Variants in LIPN observed in about 807,000 individuals in gnomAD.
LIPN encodes the protein lipase member N.
In LIPN, 32 loss-of-function variants were observed where a neutral mutation model predicts 43.7. The ratio of observed to expected loss-of-function variants is 0.73; its 90% CI spans 0.55 to 0.98. The LOEUF (loss-of-function observed/expected upper bound fraction) is 0.98, where lower values mean the gene tolerates loss of function less well. Ranked by LOEUF, LIPN falls within the 50% of genes least tolerant of loss-of-function variation. LIPN has a pLI of 0.00. For missense variants in LIPN, 505 were observed against 483.8 expected, an observed-to-expected ratio of 1.04 and a Z score of -0.41; for synonymous variants, 156 against 157.6, an observed-to-expected ratio of 0.99 and a Z score of 0.08.
chr10:88,773,754 C>A (rs1843248901), intron 7 of LIPN, among the ~76,000 whole-genome samples: 1 of 151,864 alleles, frequency 6.6e-6, no homozygotes. Context: ...TAGACTGAAA[C>A]CCATAAGGAA....
chr10:88,776,017 T>A (rs1029760418), intron 9 of LIPN, among the ~76,000 whole-genome samples: 1 of 152,054 alleles, frequency 6.6e-6, no homozygotes, highest in African/African-American at 2.4e-5. Context: ...TTTTTAAAAA[T>A]AAGTTTAAGA....
Position 88,766,362 on chromosome 10 carries a change from A to T in LIPN, c.519A>T (p.Ser173=). ...GQEKLYFIGH[S]LGTTIGFVAF... ...AGAAATTGTATTTCATTGGACATTC[A>T]CTTGGCACTACAATAGGTATGTTTA... The change falls in exon 5 of 10, where the codon TCA becomes TCT. Residue 173 remains serine (S), a synonymous_variant. Coordinates refer to ENST00000404459, the MANE Select transcript of LIPN (RefSeq NM_001102469.2). The T allele has an allele frequency of 6.3e-7, 1 of 1,594,926 alleles. No individual in the cohort carries two copies. The highest frequency in any genetic ancestry group is 1.1e-5 in the South Asian group (1 of 90,676).
chr10:88,761,729 AT>A (rs1843001147), intron 2 of LIPN, among the ~76,000 whole-genome samples: 1 of 73,768 alleles, frequency 1.4e-5, no homozygotes, highest in East Asian at 6.0e-4. Context: ...CTATCTATCT[AT>A]CTATCTATCT....
In LIPN at chr10:88,771,001, A is replaced by G. The variant is rs1169216209; in HGVS notation, c.819+10A>G. The G allele has an allele frequency of 5.1e-6, 8 of 1,559,768 alleles. No homozygotes were observed. The Admixed American group carries it at 9.4e-5, about 18-fold the overall frequency. Reference sequence around the variant, plus strand: ...GAAAAATATGAATCAGGTATGTATGATAATTATAGGGCCATTTGATACCTT... The same window carrying G: ...GAAAAATATGAATCAGGTATGTATGGTAATTATAGGGCCATTTGATACCTT... On this transcript the variant is annotated intron_variant, in intron 7 of 9. Transcript: ENST00000404459.
Position 88,761,487 on chromosome 10 carries a change from G to A in LIPN, c.82G>A (p.Val28Met). The A allele has an allele frequency of 6.2e-7, 1 of 1,611,826 alleles. No individual in the cohort carries two copies. The highest frequency in any genetic ancestry group is 2.2e-5 in the East Asian group (1 of 44,718). ...AGGFLDLENEVNPEVWMNTSE... is the reference protein window; with the variant it reads ...AGGFLDLENEMNPEVWMNTSE... ...TGGATTCCTTGATTTGGAAAATGAAGTGAATCCTGAGGTGTGGATGAATAC... is the reference window on the plus strand; with the variant it reads ...TGGATTCCTTGATTTGGAAAATGAAATGAATCCTGAGGTGTGGATGAATAC... Residue 28 changes from valine (V) to methionine (M), a missense_variant, in exon 2 of 10, where the codon GTG becomes ATG. Transcript: ENST00000404459.
intron 5 of LIPN, among the ~76,000 whole-genome samples, chr10:88,767,485 G>T (rs1486082970): frequency 2.0e-5 from 3 of 151,426 alleles, no homozygotes; most frequent in African/African-American, 7.3e-5. Context: ...TCTCATAGAA[G>T]AAGAAACACA....
At chr10:88,765,035 C>G (rs1480452160) in intron 4 of LIPN, among the ~76,000 whole-genome samples, 1 of 151,912 alleles carries the variant, frequency 6.6e-6, no homozygotes, top group Non-Finnish European at 1.5e-5. Flanking sequence ...AGTCATTGCT[C>G]CTGGATGGCC....
chr10:88,759,222 A>C (rs1264703731), upstream of LIPN, among the ~76,000 whole-genome samples: 1 of 152,176 alleles, frequency 6.6e-6, no homozygotes. Flanking sequence ...TTTTTTTTGA[A>C]AGGATTTGAG....
intron 5 of LIPN, 46 bp from the exon 6 acceptor site, chr10:88,768,746 G>GT: frequency 1.9e-6 from 3 of 1,551,764 alleles, no homozygotes; most frequent in Non-Finnish European, 2.6e-6. Flanking sequence ...GAAACACTGC[G>GT]TAAGTATTTA....
chr10:88,766,655 G>T lies in LIPN; in HGVS notation c.535+277G>T, dbSNP rs187935393. On this transcript the variant is annotated intron_variant, in intron 5 of 9. Transcript: ENST00000404459. ...GAATAACATGTGTTCCAAATTCAAAGAAATAATTCCACAGAGTAAGTTTCT... is the reference window on the plus strand; with the variant it reads ...GAATAACATGTGTTCCAAATTCAAATAAATAATTCCACAGAGTAAGTTTCT... Among the ~76,000 whole-genome samples, 252 of 151,980 alleles carry T rather than the reference G, an allele frequency of 1.7e-3. 3 individuals carry two copies. Among genetic ancestry groups the T allele is most frequent in the African/African-American group, 5.8e-3 (242 of 41,488 alleles).
chr10:88,762,800 C>T (rs766362489), intron 3 of LIPN, among the ~76,000 whole-genome samples: 2 of 152,000 alleles, frequency 1.3e-5, no homozygotes, highest in Non-Finnish European at 2.9e-5. Context: ...GGACTGAAAA[C>T]CTTAACATCC....
intron 1 of LIPN, among the ~76,000 whole-genome samples, chr10:88,760,399 T>A (rs1842978603): frequency 6.6e-6 from 1 of 152,116 alleles, no homozygotes; most frequent in Non-Finnish European, 1.5e-5. Context: ...TTATTATTAG[T>A]TTCATACAAT....
rs1421195367 is a variant in LIPN at position 88,778,122 on chromosome 10, C to T, written c.1077C>T (p.Ile359=). The part of the protein sequence containing the change: ...PQDVARILPQ[I]KSLHYFKLLP... ...ATGTGGCCAGGATACTCCCTCAAAT[C>T]AAGAGTCTTCATTACTTTAAGCTAT... Residue 359 remains isoleucine, a synonymous_variant, in exon 10 of 10, where the codon ATC becomes ATT. Transcript: ENST00000404459. 1 of 1,613,596 alleles carries T rather than the reference C, an allele frequency of 6.2e-7. No individual in the cohort carries two copies. Among genetic ancestry groups the T allele is most frequent in the African/African-American group, 1.3e-5 (1 of 75,026 alleles).
At chr10:88,761,801 A>G (rs1843006226) in intron 2 of LIPN, among the ~76,000 whole-genome samples, 1 of 150,544 alleles carries the variant, frequency 6.6e-6, no homozygotes, top group Non-Finnish European at 1.5e-5. Flanking sequence ...CTATCTATCT[A>G]TAGATAGAAC....
At chr10:88,774,914 G>T (rs1403913765) in intron 8 of LIPN, among the ~76,000 whole-genome samples, 178 bp from the exon 9 acceptor site, 1 of 151,586 alleles carries the variant, frequency 6.6e-6, no homozygotes, top group Admixed American at 6.6e-5. Context: ...ACCAAGGGGG[G>T]TATTGCTCAT....
At chr10:88,769,503 CT>C (rs1287916511) in intron 6 of LIPN, 16 of 762,874 alleles carry the variant, frequency 2.1e-5, no homozygotes, top group Non-Finnish European at 2.5e-5. Context: ...GGGATTTTAT[CT>C]ATTAAAGGGT....
chr10:88,761,097 G>T (rs1842988614), intron 1 of LIPN, among the ~76,000 whole-genome samples: 1 of 152,062 alleles, frequency 6.6e-6, no homozygotes, highest in Admixed American at 6.6e-5. Flanking sequence ...TTGTCAAATT[G>T]TAGGCAAACA....
chr10:88,769,235 G>T lies in LIPN; in HGVS notation c.672+307G>T, dbSNP rs438612. On this transcript the variant is annotated intron_variant, in intron 6 of 9. Transcript: ENST00000404459. ...TTTCTTGTTTTCCCAAGTGTTTTTT[G>T]TTCCATTTAGTCAGGTAGGTCAATG... Among the ~76,000 whole-genome samples, 27,773 of 151,640 alleles carry T rather than the reference G, an allele frequency of 0.18. 2,618 individuals carry two copies. The highest frequency in any genetic ancestry group is 0.21 in the Non-Finnish European group (13,938 of 67,764).
intron 8 of LIPN, 102 bp downstream of exon 8, chr10:88,774,646 G>A (rs1460800843): frequency 7.4e-6 from 7 of 940,874 alleles, no homozygotes; most frequent in Non-Finnish European, 1.2e-5. Flanking sequence ...AATCTTAAGA[G>A]CTTGCTTCCA....
Sources: gnomAD v4.1 joint callset for allele counts (sites outside exome capture counted in the v4.1 genomes callset) on GRCh38, gnomAD v4.1.1 for gene constraint, MANE v1.5 for transcripts, NCBI Gene and HGNC (gene_info 2026-07-23, HGNC 2026-07-21) for gene names.